Variants in RARB observed in about 807,000 individuals in gnomAD.
RARB encodes the protein retinoic acid receptor beta.
A neutral mutation model predicts 51.9 loss-of-function variants in RARB; 17 were observed. The ratio of observed to expected loss-of-function variants is 0.33; its 90% confidence interval spans 0.22 to 0.49. RARB has a LOEUF of 0.49. Among genes scored for constraint, RARB ranks in the 20% least tolerant of loss-of-function variants. The pLI is 0.99. For synonymous variants in RARB, 215 were observed against 195.4 expected (o/e 1.10, Z -0.84); for missense variants, 369 against 550.8 (o/e 0.67, Z 3.30).
intron 1 of RARB, among the ~76,000 whole-genome samples, chr3:24,836,408 A>G (rs1190253759): frequency 3.9e-5 from 6 of 152,220 alleles, no homozygotes; most frequent in Admixed American, 3.3e-4. Context: ...GAATTACATG[A>G]AAACACTGGC....
chr3:25,434,323 A>G (rs1194334663), intron 1 of RARB, among the ~76,000 whole-genome samples: 3 of 152,202 alleles, frequency 2.0e-5, no homozygotes, highest in Non-Finnish European at 4.4e-5. Flanking sequence ...TCGTTTAATA[A>G]AAGTGGATTC....
chr3:25,174,628 A>G, intron 5 of RARB: 2 of 1,324,972 alleles, frequency 1.5e-6, no homozygotes, highest in Non-Finnish European at 2.0e-6. Context: ...GGATGAAGGG[A>G]CCTGAGAAAA....
chr3:25,566,180 C>A (rs866406380), intron 3 of RARB, among the ~76,000 whole-genome samples: 1 of 152,200 alleles, frequency 6.6e-6, no homozygotes, highest in African/African-American at 2.4e-5. Flanking sequence ...ACTGCGTCTG[C>A]GTTCTTCTAG....
chr3:25,452,046 G>A (rs78929327), intron 1 of RARB, among the ~76,000 whole-genome samples: 10,030 of 152,180 alleles, frequency 0.066, 402 homozygotes, highest in Middle Eastern at 0.12. Flanking sequence ...CATGACTCCC[G>A]AGACCTGTTC....
intron 3 of RARB, among the ~76,000 whole-genome samples, chr3:25,557,599 C>T (rs1700111730): frequency 1.3e-5 from 2 of 152,246 alleles, no homozygotes; most frequent in South Asian, 2.1e-4. Context: ...CTTGACCCTT[C>T]CTGCTGCCTG....
At chr3:25,537,603 G>A (rs1699193710) in intron 3 of RARB, among the ~76,000 whole-genome samples, 2 of 152,116 alleles carry the variant, frequency 1.3e-5, no homozygotes, top group Non-Finnish European at 2.9e-5. Flanking sequence ...AATGCCTGTG[G>A]AATGAGGGGA....
At chr3:25,103,480 T>C (rs1699442203) in intron 3 of RARB, among the ~76,000 whole-genome samples, 1 of 152,220 alleles carries the variant, frequency 6.6e-6, no homozygotes, top group Admixed American at 6.5e-5. Flanking sequence ...CTTTGATGAC[T>C]CATTCACTGC....
chr3:25,287,776 T>C (rs1559344971), intron 5 of RARB, among the ~76,000 whole-genome samples: 1 of 152,160 alleles, frequency 6.6e-6, no homozygotes, highest in South Asian at 2.1e-4. Context: ...TAAAACTGTA[T>C]CCAGGAAGGA....
intron 5 of RARB, among the ~76,000 whole-genome samples, chr3:25,335,654 C>T (rs1330248921): frequency 1.3e-5 from 2 of 152,224 alleles, no homozygotes; most frequent in Non-Finnish European, 2.9e-5. Context: ...TGTGAGTTCA[C>T]TTCCTGAGAG....
At chr3:24,894,074 T>C (rs1305508339) in intron 2 of RARB, among the ~76,000 whole-genome samples, 1 of 152,186 alleles carries the variant, frequency 6.6e-6, no homozygotes, top group Admixed American at 6.5e-5. Context: ...CCTATACATT[T>C]TTAGTCTTTG....
chr3:25,428,199 A>G (rs1708052913), upstream of RARB: 3 of 1,216,790 alleles, frequency 2.5e-6, no homozygotes, highest in Non-Finnish European at 3.1e-6. Flanking sequence ...GAAGGTTAGC[A>G]GCCCGGGTAG....
rs188992887 is a variant in RARB, at chr3:25,316,596, T to G, written c.178+142021T>G. Among the ~76,000 whole-genome samples, 415 of 152,276 alleles carry G rather than the reference T, an allele frequency of 2.7e-3. 2 individuals carry two copies. The highest frequency in any genetic ancestry group is 3.2e-3 in the Non-Finnish European group (219 of 68,026). On this transcript the variant is annotated intron_variant, in intron 5 of 11. Coordinates refer to the RARB transcript ENST00000383772. Reference sequence around the variant, plus strand: ...ATTCAGAAGAGTGGGGACAACAGATTTGGTGTTCTCATTGTCATCAGATGG... The same window carrying G: ...ATTCAGAAGAGTGGGGACAACAGATGTGGTGTTCTCATTGTCATCAGATGG...
chr3:25,085,843 A>G (rs62230267), intron 3 of RARB, among the ~76,000 whole-genome samples: 6,248 of 152,262 alleles, frequency 0.041, 169 homozygotes, highest in Middle Eastern at 0.075. Flanking sequence ...CCTTTGCACT[A>G]TTATTGCAAG....
intron 2 of RARB, among the ~76,000 whole-genome samples, chr3:25,046,338 G>C (rs1698213032): frequency 1.3e-5 from 2 of 152,180 alleles, no homozygotes; most frequent in Non-Finnish European, 2.9e-5. Flanking sequence ...TAGAGACTGA[G>C]AAACTACAGG....
chr3:24,962,651 T>G (rs1696166409), intron 2 of RARB, among the ~76,000 whole-genome samples: 1 of 152,274 alleles, frequency 6.6e-6, no homozygotes, highest in African/African-American at 2.4e-5. Flanking sequence ...ACAAACCCTA[T>G]CATGAGCTGC....
At chr3:24,955,878 C>T (rs1433261791) in intron 2 of RARB, among the ~76,000 whole-genome samples, 5 of 152,162 alleles carry the variant, frequency 3.3e-5, no homozygotes, top group East Asian at 1.9e-4. Context: ...GTGTTGCCCT[C>T]GGAAGAATAG....
At chr3:25,591,058 A>C (rs1194287261) in intron 5 of RARB, among the ~76,000 whole-genome samples, 1 of 152,210 alleles carries the variant, frequency 6.6e-6, no homozygotes, top group Non-Finnish European at 1.5e-5. Context: ...AAACAGGTCA[A>C]CCAGTTGGGA....
intron 1 of RARB, among the ~76,000 whole-genome samples, chr3:25,442,122 T>G (rs1054532600): frequency 6.7e-6 from 1 of 149,502 alleles, no homozygotes; most frequent in East Asian, 1.9e-4. Flanking sequence ...TTATTTTTAT[T>G]TATTTATTTA....
intron 2 of RARB, among the ~76,000 whole-genome samples, chr3:24,878,835 C>T (rs1024689742): frequency 2.0e-5 from 3 of 152,058 alleles, no homozygotes; most frequent in Non-Finnish European, 4.4e-5. Context: ...GTAAGATTGC[C>T]CGGAGAAAAA....
Sources: allele counts gnomAD v4.1 joint callset (sites outside exome capture counted in the v4.1 genomes callset), GRCh38; gene constraint gnomAD v4.1.1; transcripts MANE v1.5; gene names NCBI Gene and HGNC (gene_info 2026-07-23, HGNC 2026-07-21).